CNN3: variants seen among roughly 807,000 people sequenced by gnomAD.
The protein encoded by CNN3 is calponin-3.
Under a neutral mutation model 39.0 loss-of-function variants are expected in CNN3, and 11 were observed. That is an observed-to-expected ratio of 0.28 (90% CI 0.18 to 0.47). The LOEUF is 0.47. Ranked by LOEUF, CNN3 falls within the 20% of genes least tolerant of loss-of-function variation. The pLI is 0.99. For synonymous variants in CNN3, 101 were observed against 138.3 expected (o/e 0.73, Z 1.89); for missense variants, 266 against 403.4 (o/e 0.66, Z 2.92).
chr1:94,908,326 T>C (rs1165858339), intron 1 of CNN3, among the ~76,000 whole-genome samples: 2 of 152,208 alleles, frequency 1.3e-5, no homozygotes, highest in African/African-American at 4.8e-5. Flanking sequence ...CTCCTCTTCA[T>C]GTTCCTGTGC....
intron 1 of CNN3, among the ~76,000 whole-genome samples, chr1:94,908,108 C>A (rs1337486658): frequency 6.6e-6 from 1 of 152,158 alleles, no homozygotes; most frequent in Non-Finnish European, 1.5e-5. Context: ...TACAAATGAT[C>A]CAGAGACCGA....
At chr1:94,901,060 A>G (rs1670849370) in intron 5 of CNN3, among the ~76,000 whole-genome samples, 1 of 152,100 alleles carries the variant, frequency 6.6e-6, no homozygotes, top group Admixed American at 6.6e-5. Context: ...TCTATATATA[A>G]AAGATAAAAC....
In CNN3 at chr1:94,927,083, C is replaced by T. The variant is rs1412933518; in HGVS notation, c.-189G>A. The T allele has an allele frequency of 7.4e-6, 4 of 540,674 alleles. No homozygotes were observed. Among genetic ancestry groups the T allele is most frequent in the Admixed American group, 3.9e-5 (1 of 25,678 alleles). 33.5% of individuals were successfully genotyped at this position (540,674 alleles called of 1,614,324 possible). The stretch of plus-strand genomic sequence containing the variant: ...TGGGTCCAACTGGGTGCTACAGAGC[C>T]TCGAGCTCCGCTGCGAAGCACCCGG... On this transcript the variant is annotated 5_prime_UTR_variant, in exon 1 of 7. Coordinates refer to ENST00000370206, the MANE Select transcript of CNN3 (RefSeq NM_001839.5).
intron 1 of CNN3, among the ~76,000 whole-genome samples, chr1:94,919,612 C>T (rs775367573): frequency 3.3e-5 from 5 of 152,152 alleles, no homozygotes; most frequent in African/African-American, 1.2e-4. Flanking sequence ...GATCAGTGTC[C>T]AAACATTTGG....
intron 1 of CNN3, among the ~76,000 whole-genome samples, chr1:94,908,350 T>C (rs541474007): frequency 1.3e-5 from 2 of 152,278 alleles, no homozygotes; most frequent in Non-Finnish European, 2.9e-5. Context: ...GGTCCAGGGC[T>C]CATCCTGTTG....
chr1:94,914,932 G>A (rs1276962961), intron 1 of CNN3, among the ~76,000 whole-genome samples: 2 of 151,728 alleles, frequency 1.3e-5, no homozygotes, highest in Non-Finnish European at 2.9e-5. Flanking sequence ...CACCCAGGCT[G>A]GAGTGCAGTG....
intron 5 of CNN3, among the ~76,000 whole-genome samples, chr1:94,901,309 G>A (rs557676220): frequency 1.2e-3 from 173 of 150,428 alleles, no homozygotes; most frequent in Non-Finnish European, 1.9e-3. Flanking sequence ...AGCCGAGATC[G>A]CGTCACTGCA....
At chr1:94,909,060 T>C (rs539367604) in intron 1 of CNN3, among the ~76,000 whole-genome samples, 13 of 151,910 alleles carry the variant, frequency 8.6e-5, no homozygotes, top group East Asian at 3.9e-4. Flanking sequence ...GGCAGGAGGA[T>C]TGCTTGAAGC....
chr1:94,911,433 A>G (rs1236879400), intron 1 of CNN3, among the ~76,000 whole-genome samples: 1 of 152,208 alleles, frequency 6.6e-6, no homozygotes, highest in African/African-American at 2.4e-5. Flanking sequence ...AGGTAAATAC[A>G]AAAACATTAT....
Position 94,901,520 on chromosome 1 carries a change from C to T in CNN3, c.501+149G>A. 3 of 520,986 alleles carry T rather than the reference C, an allele frequency of 5.8e-6. No homozygotes were observed. The South Asian group carries it at 1.0e-4, about 17-fold the overall frequency. 32.3% of individuals were successfully genotyped at this position (520,986 alleles called of 1,614,324 possible). ...TAAAAAATTATCACTGTCTTATGGG[C>T]TTTATAAATAGATATAAATTGTATA... On this transcript the variant is annotated intron_variant, in intron 5 of 6. Transcript: ENST00000370206.
chr1:94,917,032 T>TTTTG (rs918483993), intron 1 of CNN3, among the ~76,000 whole-genome samples: 2 of 152,110 alleles, frequency 1.3e-5, no homozygotes, highest in African/African-American at 2.4e-5. Context: ...TTCCTGGATT[T>TTTTG]TTTGTTTGTT....
intron 1 of CNN3, among the ~76,000 whole-genome samples, chr1:94,925,105 G>A (rs576092036): frequency 1.3e-5 from 2 of 152,228 alleles, no homozygotes; most frequent in East Asian, 3.9e-4. Context: ...ACATTAGTCA[G>A]CAAAAAAGAA....
At position 94,916,640 on chromosome 1, in the gene CNN3, A is replaced by T. The variant is rs372642645; in HGVS notation, c.57+10198T>A. Reference sequence around the variant, plus strand: ...CTGGACTCAGTACCCTCTCGTCTTGAAAGATGTCAATTCTCCCTGAGCTCT... The same window carrying T: ...CTGGACTCAGTACCCTCTCGTCTTGTAAGATGTCAATTCTCCCTGAGCTCT... On this transcript the variant is annotated intron_variant, in intron 1 of 6. Transcript: ENST00000370206. 1.2e-4 allele frequency among the ~76,000 whole-genome samples: 18 copies of T among 152,270 alleles called. 1 individual carries two copies. Among genetic ancestry groups the T allele is most frequent in the Admixed American group, 8.5e-4 (13 of 15,300 alleles).
intron 1 of CNN3, among the ~76,000 whole-genome samples, chr1:94,907,284 A>C (rs1277196223): frequency 6.6e-6 from 1 of 152,242 alleles, no homozygotes; most frequent in Non-Finnish European, 1.5e-5. Context: ...GGATTCTCCT[A>C]TCCAAATACT....
intron 1 of CNN3, among the ~76,000 whole-genome samples, chr1:94,918,874 C>T (rs1235542042): frequency 6.9e-6 from 1 of 144,038 alleles, no homozygotes; most frequent in African/African-American, 2.6e-5. Flanking sequence ...GCCCAGGTGA[C>T]AGAGCAAGAC....
rs559999608 is a variant in CNN3, at chr1:94,912,421, C to A, written c.58-8897G>T. On this transcript the variant is annotated intron_variant, in intron 1 of 6. Coordinates refer to ENST00000370206, the MANE Select transcript of CNN3 (RefSeq NM_001839.5). ...GAAGCCTGCTCCCACTCCATCCCCA[C>A]CCAGAGGGCAAGGATCTATTACTGG... Among the ~76,000 whole-genome samples, 6 of 152,300 alleles carry A rather than the reference C, an allele frequency of 3.9e-5. No homozygotes were observed. In the South Asian group the frequency reaches 1.0e-3, roughly 26 times the overall value.
chr1:94,926,898 G>T lies in CNN3; in HGVS notation c.-4C>A. On this transcript the variant is annotated 5_prime_UTR_variant, in exon 1 of 7. Coordinates refer to ENST00000370206, the MANE Select transcript of CNN3 (RefSeq NM_001839.5). The surrounding 1 kb of genome is among the most constrained non-coding windows in gnomAD (Gnocchi z 4.2). The stretch of plus-strand genomic sequence containing the variant: ...GGCCCTTGTTGAAGTGGGTCATGGT[G>T]GTTCGGGCGGCGGGAAGAGACAGCG... 1 of 1,607,664 alleles carries T rather than the reference G, an allele frequency of 6.2e-7. No homozygotes were observed. The highest frequency in any genetic ancestry group is 1.1e-5 in the South Asian group (1 of 90,612).
At chr1:94,908,294 G>A (rs968430154) in intron 1 of CNN3, among the ~76,000 whole-genome samples, 18 of 152,118 alleles carry the variant, frequency 1.2e-4, no homozygotes, top group African/African-American at 3.6e-4. Flanking sequence ...CTCTGCTCTC[G>A]CTCCTCCGAC....
intron 1 of CNN3, among the ~76,000 whole-genome samples, chr1:94,917,284 C>A (rs757645647): frequency 7.9e-5 from 12 of 152,204 alleles, no homozygotes; most frequent in Non-Finnish European, 1.6e-4. Flanking sequence ...GATCCGCCCA[C>A]CTCAGCATCC....
Sources: allele counts gnomAD v4.1 joint callset (sites outside exome capture counted in the v4.1 genomes callset), GRCh38; gene constraint gnomAD v4.1.1; non-coding constraint Gnocchi (gnomAD v3.1); transcripts MANE v1.5; gene names NCBI Gene and HGNC (gene_info 2026-07-23, HGNC 2026-07-21).